Variants in AFAP1L2 observed in about 807,000 individuals in gnomAD.
The protein encoded by AFAP1L2 is actin filament associated protein 1 like 2.
In AFAP1L2, 46 loss-of-function variants were observed where a neutral mutation model predicts 99.3. The observed-to-expected ratio is 0.46, with a 90% CI of 0.37 to 0.59. The LOEUF is 0.59. Ranked by LOEUF, AFAP1L2 falls within the 20% of genes least tolerant of loss-of-function variation. The pLI is 0.00. For missense variants in AFAP1L2, 959 were observed against 1,034.9 expected (o/e 0.93, Z 1.01); for synonymous variants, 397 against 419.1 (o/e 0.95, Z 0.64).
chr10:114,398,915 CAG>C (rs762466861), intron 1 of AFAP1L2: 8 of 1,304,368 alleles, frequency 6.1e-6, no homozygotes, highest in Non-Finnish European at 8.1e-6. Context: ...CTGGAATAGA[CAG>C]AAATAAGGCT....
chr10:114,398,683 G>A (rs2057959758), intron 1 of AFAP1L2, among the ~76,000 whole-genome samples: 1 of 152,252 alleles, frequency 6.6e-6, no homozygotes. Context: ...CGAGTTAGTG[G>A]CAAAAGCCAG....
At chr10:114,335,388 G>A (rs909012933) in intron 2 of AFAP1L2, among the ~76,000 whole-genome samples, 8 of 152,080 alleles carry the variant, frequency 5.3e-5, no homozygotes, top group Non-Finnish European at 1.0e-4. Flanking sequence ...CAAGGTGGGC[G>A]GATCACGAGG....
intron 1 of AFAP1L2, among the ~76,000 whole-genome samples, chr10:114,390,322 GACAAAT>G (rs1409670133): frequency 6.6e-6 from 1 of 152,136 alleles, no homozygotes; most frequent in East Asian, 1.9e-4. Flanking sequence ...TCTCCACCAT[GACAAAT>G]AATGCTGCAG....
the AFAP1L2 span, chr10:114,282,539 A>C: frequency 2.5e-6 from 4 of 1,613,348 alleles, no homozygotes; most frequent in Non-Finnish European, 3.4e-6. Context: ...TTCCTAACCC[A>C]CCCTGCCACC....
At position 114,307,971 on chromosome 10, in the gene AFAP1L2, G is replaced by A. The variant is rs1473610572; in HGVS notation, c.968-62C>T. On this transcript the variant is annotated intron_variant, in intron 9 of 18. Transcript: ENST00000304129. ...GTGGTCCACCCACGTGCCCATGAGA[G>A]ATGGAAAAAATAGCAAACCCATTTC... 11 of 1,486,938 alleles carry A rather than the reference G, an allele frequency of 7.4e-6. No individual in the cohort carries two copies. The East Asian group carries it at 2.3e-4, about 31-fold the overall frequency. The allele number at this position is 1,486,938 out of a possible 1,614,324, so 92.1% of individuals were successfully genotyped here. A position where few individuals can be genotyped will look rare whatever the true frequency, so the allele number is the denominator to read the frequency against.
chr10:114,307,783 C>A (rs757873875), intron 10 of AFAP1L2, 22 bp downstream of exon 10: 1 of 1,602,586 alleles, frequency 6.2e-7, no homozygotes, highest in Non-Finnish European at 8.5e-7. Flanking sequence ...CCTGTGGTCC[C>A]GGAGGTAGCT....
At chr10:114,287,602 G>A in the AFAP1L2 span, among the ~76,000 whole-genome samples, 2 of 152,216 alleles carry the variant, frequency 1.3e-5, no homozygotes, top group Non-Finnish European at 1.5e-5. Flanking sequence ...CCTGTAAGGC[G>A]GAAGGACAGG....
chr10:114,327,147 T>TTA (rs369500918), intron 4 of AFAP1L2, among the ~76,000 whole-genome samples: 953 of 54,552 alleles, frequency 0.017, 65 homozygotes, highest in African/African-American at 0.028. Flanking sequence ...TTATATATAT[T>TTA]TATATATATA....
chr10:114,327,147 T>TTATTTATATATATATATATATATATA (rs1554902752), intron 4 of AFAP1L2, among the ~76,000 whole-genome samples: 3 of 54,572 alleles, frequency 5.5e-5, no homozygotes, highest in Admixed American at 2.6e-4. Flanking sequence ...TTATATATAT[T>TTATTTATATATATATATATATATATA]TATATATATA....
intron 1 of AFAP1L2, among the ~76,000 whole-genome samples, chr10:114,362,628 T>G (rs1332353170): frequency 6.6e-6 from 1 of 152,146 alleles, no homozygotes; most frequent in Non-Finnish European, 1.5e-5. Context: ...CATAAGAGAA[T>G]AAATTCCACC....
intron 4 of AFAP1L2, among the ~76,000 whole-genome samples, chr10:114,330,378 C>A (rs1037857212): frequency 1.3e-5 from 2 of 152,304 alleles, no homozygotes; most frequent in Admixed American, 6.5e-5. Flanking sequence ...TAAGCTGAGA[C>A]CCCAGTCCTG....
At chr10:114,325,318 C>A (rs562102618) in intron 4 of AFAP1L2, among the ~76,000 whole-genome samples, 34 of 152,312 alleles carry the variant, frequency 2.2e-4, no homozygotes, top group Non-Finnish European at 5.9e-5. Context: ...CCAGGGTCTG[C>A]AGGTTGCGCA....
At chr10:114,282,518 G>C in the AFAP1L2 span, 1 of 1,613,682 alleles carries the variant, frequency 6.2e-7, no homozygotes, top group Non-Finnish European at 8.5e-7. Flanking sequence ...GATTGTAGCT[G>C]GAAGAGAGTG....
At chr10:114,365,273 C>G (rs2053055043) in intron 1 of AFAP1L2, among the ~76,000 whole-genome samples, 1 of 151,992 alleles carries the variant, frequency 6.6e-6, no homozygotes, top group Non-Finnish European at 1.5e-5. Context: ...ATGAAGGAAC[C>G]CCCAGGCATA....
At chr10:114,317,161 G>GATTTTACTAAGAAGCACA (rs2044274564) in intron 5 of AFAP1L2, among the ~76,000 whole-genome samples, 3 of 22,200 alleles carry the variant, frequency 1.4e-4, no homozygotes, top group Admixed American at 5.4e-4. Context: ...TAAGAAGCAC[G>GATTTTACTAAGAAGCACA]TTTGATTTTA....
chr10:114,301,801 C>CAT (rs1350615749), intron 12 of AFAP1L2: 2 of 358,112 alleles, frequency 5.6e-6, no homozygotes, highest in African/African-American at 4.1e-5. Flanking sequence ...CTTCTCATTT[C>CAT]ATCTTCACAA....
intron 2 of AFAP1L2, among the ~76,000 whole-genome samples, chr10:114,340,135 C>A (rs1287050090): frequency 1.3e-5 from 2 of 148,240 alleles, no homozygotes; most frequent in African/African-American, 5.0e-5. Flanking sequence ...AGCTCAAGAC[C>A]AGCCTGGGCA....
At chr10:114,320,020 G>A (rs1256675738) in intron 5 of AFAP1L2, among the ~76,000 whole-genome samples, 2 of 152,156 alleles carry the variant, frequency 1.3e-5, no homozygotes, top group Non-Finnish European at 2.9e-5. Flanking sequence ...GACAAACATG[G>A]AAGGAGCCCG....
At chr10:114,346,184 C>T (rs1186776542) in intron 1 of AFAP1L2, among the ~76,000 whole-genome samples, 1 of 152,134 alleles carries the variant, frequency 6.6e-6, no homozygotes, top group Non-Finnish European at 1.5e-5. Context: ...ATGTTCCTTC[C>T]CTTCCTCTCT....
Sources: gnomAD v4.1 joint callset for allele counts (sites outside exome capture counted in the v4.1 genomes callset) on GRCh38, gnomAD v4.1.1 for gene constraint, MANE v1.5 for transcripts, NCBI Gene and HGNC (gene_info 2026-07-23, HGNC 2026-07-21) for gene names.